The following ZNF536 variants were observed in gnomAD, a reference collection of about 807,000 sequenced individuals.
ZNF536 encodes zinc finger protein 536.
In ZNF536, 13 loss-of-function variants were observed where a neutral mutation model predicts 84.5. The observed-to-expected ratio is 0.15, with a 90% CI of 0.10 to 0.24. The LOEUF is 0.24. Among genes scored for constraint, ZNF536 ranks in the 10% least tolerant of loss-of-function variants. The pLI, the probability that ZNF536 is intolerant of heterozygous loss-of-function variation, is 1.00. For synonymous variants in ZNF536, 811 were observed against 742.5 expected, an observed-to-expected ratio of 1.09 and a Z score of -1.50; for missense variants, 1,536 against 1,747.5, an observed-to-expected ratio of 0.88 and a Z score of 2.16.
At chr19:30,365,517 G>C (rs1348358524) in intron 3 of ZNF536, among the ~76,000 whole-genome samples, 1 of 152,274 alleles carries the variant, frequency 6.6e-6, no homozygotes, top group South Asian at 2.1e-4. Flanking sequence ...GGGAATCCCT[G>C]GTGTGCTTGA....
At chr19:30,314,505 C>T (rs967295746) in intron 2 of ZNF536, among the ~76,000 whole-genome samples, 4 of 152,116 alleles carry the variant, frequency 2.6e-5, no homozygotes, top group Admixed American at 6.5e-5. Flanking sequence ...TGTGGCTGCC[C>T]TCATAGAGAA....
At chr19:30,586,225 AT>A (rs2047089334) in intron 1 of ZNF536, among the ~76,000 whole-genome samples, 1 of 152,254 alleles carries the variant, frequency 6.6e-6, no homozygotes, top group Non-Finnish European at 1.5e-5. Context: ...CCCTCTGCTT[AT>A]CCTGGTTCCG....
At chr19:30,417,238 C>T (rs778042448) in intron 1 of ZNF536, among the ~76,000 whole-genome samples, 31 of 147,440 alleles carry the variant, frequency 2.1e-4, no homozygotes, top group Non-Finnish European at 3.4e-4. Flanking sequence ...TTCAGGTGAT[C>T]CGCCTGCCTT....
intron 1 of ZNF536, among the ~76,000 whole-genome samples, chr19:30,378,482 G>T (rs1341921065): frequency 6.6e-6 from 1 of 152,174 alleles, no homozygotes; most frequent in Non-Finnish European, 1.5e-5. Context: ...TTTTAGCAGA[G>T]ATGGGGTTTT....
intron 1 of ZNF536, among the ~76,000 whole-genome samples, chr19:30,262,078 C>T (rs545606847): frequency 3.3e-5 from 5 of 152,310 alleles, no homozygotes; most frequent in Admixed American, 6.5e-5. Flanking sequence ...TCTAGTTCAC[C>T]GCTTTCAGAA....
At chr19:30,578,318 C>A (rs73924785) in intron 1 of ZNF536, among the ~76,000 whole-genome samples, 1 of 152,184 alleles carries the variant, frequency 6.6e-6, no homozygotes, top group African/African-American at 2.4e-5. Flanking sequence ...AAGGTTGGCC[C>A]GCGAAGCGCA....
intron 1 of ZNF536, among the ~76,000 whole-genome samples, chr19:30,418,257 C>T (rs2050815332): frequency 6.6e-6 from 1 of 152,028 alleles, no homozygotes. Flanking sequence ...TTCCTGGTGT[C>T]CTGTTCTAAA....
At chr19:30,709,773 T>C (rs2052388881) in intron 1 of ZNF536, among the ~76,000 whole-genome samples, 1 of 152,094 alleles carries the variant, frequency 6.6e-6, no homozygotes, top group African/African-American at 2.4e-5. Context: ...CACAGGCATG[T>C]CCCTGGCTAA....
chr19:30,412,328 T>C (rs1029432554), intron 1 of ZNF536, among the ~76,000 whole-genome samples: 3 of 152,054 alleles, frequency 2.0e-5, no homozygotes, highest in Admixed American at 1.3e-4. Flanking sequence ...TGTTTTGCCA[T>C]TAAACATAAT....
rs71173915 is a variant in ZNF536, at chr19:30,664,204, TTCTCTCTCTCTCTCTCTCTCTCTCTCTC to T, written c.170-46522_170-46495del. Reference sequence around the variant, plus strand: ...TATCTAGAGGAATTCTTGCTGAGTTTTCTCTCTCTCTCTCTCTCTCTCTCTCTCTCTCTCTCTCTCTCTCTCTCTCTCT... The same window carrying T: ...TATCTAGAGGAATTCTTGCTGAGTTTTCTCTCTCTCTCTCTCTCTCTCTCT... On this transcript the variant is annotated intron_variant, in intron 1 of 1. Coordinates refer to the ZNF536 transcript ENST00000592773. 2.6e-3 allele frequency among the ~76,000 whole-genome samples: 232 copies of T among 90,746 alleles called. 1 individual carries two copies. The highest frequency in any genetic ancestry group is 1.7e-3 in the East Asian group (6 of 3,534). The allele number at this position is 90,746 out of a possible 152,430, so 59.5% of individuals were successfully genotyped here. A position where few individuals can be genotyped will look rare whatever the true frequency, so the allele number is the denominator to read the frequency against.
intron 1 of ZNF536, among the ~76,000 whole-genome samples, chr19:30,672,331 G>A (rs1053157397): frequency 1.3e-5 from 2 of 152,166 alleles, no homozygotes; most frequent in African/African-American, 4.8e-5. Context: ...TGTGTTTCTG[G>A]CATTCCCAAG....
At chr19:30,590,547 A>G (rs906204210) in intron 1 of ZNF536, among the ~76,000 whole-genome samples, 38 of 152,126 alleles carry the variant, frequency 2.5e-4, no homozygotes, top group African/African-American at 7.0e-4. Flanking sequence ...AAAAGGTCCT[A>G]TGGATTTTAA....
intron 1 of ZNF536, among the ~76,000 whole-genome samples, chr19:30,396,274 T>G (rs934256540): frequency 6.6e-6 from 1 of 152,216 alleles, no homozygotes; most frequent in East Asian, 1.9e-4. Flanking sequence ...GAATTTGGAA[T>G]GGAGAATCTC....
intron 1 of ZNF536, among the ~76,000 whole-genome samples, chr19:30,273,434 TA>T (rs2025963020): frequency 1.3e-5 from 2 of 152,226 alleles, no homozygotes; most frequent in Admixed American, 1.3e-4. Flanking sequence ...GCTGTTGTGA[TA>T]GGGGTGTAGT....
At chr19:30,428,073 T>A (rs559186584) in intron 1 of ZNF536, among the ~76,000 whole-genome samples, 1 of 152,344 alleles carries the variant, frequency 6.6e-6, no homozygotes, top group African/African-American at 2.4e-5. Flanking sequence ...TGACTTTTCC[T>A]TGTTAACTGC....
chr19:30,248,304 C>T (rs1026782295), intron 1 of ZNF536, among the ~76,000 whole-genome samples: 1 of 140,636 alleles, frequency 7.1e-6, no homozygotes, highest in Non-Finnish European at 1.5e-5. Context: ...TCACCGCAAC[C>T]TCTGCCTCCT....
intron 1 of ZNF536, among the ~76,000 whole-genome samples, chr19:30,431,241 A>G (rs529430768): frequency 1.3e-5 from 2 of 152,158 alleles, no homozygotes; most frequent in South Asian, 4.2e-4. Flanking sequence ...CTCCTCTCCC[A>G]GGAGGCCAGC....
chr19:30,502,446 A>T (rs2054989490), intron 2 of ZNF536, among the ~76,000 whole-genome samples: 1 of 152,058 alleles, frequency 6.6e-6, no homozygotes, highest in Non-Finnish European at 1.5e-5. Flanking sequence ...GGAAATGGTG[A>T]GTGATCGGAA....
Position 30,625,962 on chromosome 19 carries a change from A to T in ZNF536, c.169+76448A>T, listed in dbSNP as rs1226265981. On this transcript the variant is annotated intron_variant, in intron 1 of 1. Transcript: ENST00000592773. ...ACGGTGGCAGTGGCTAAAATATTTT[A>T]AAATGATTTTTTTCCACACATGTGG... Among the ~76,000 whole-genome samples the T allele has an allele frequency of 3.3e-5, 5 of 152,384 alleles. No individual in the cohort carries two copies. In the South Asian group the frequency reaches 8.3e-4, roughly 25 times the overall value.
Sources: gnomAD v4.1 joint callset for allele counts (sites outside exome capture counted in the v4.1 genomes callset) on GRCh38, gnomAD v4.1.1 for gene constraint, MANE v1.5 for transcripts, NCBI Gene and HGNC (gene_info 2026-07-23, HGNC 2026-07-21) for gene names.